MROH2A: variants seen among roughly 807,000 people sequenced by gnomAD.
MROH2A encodes maestro heat-like repeat-containing protein family member 2A.
A neutral mutation model predicts 200.4 loss-of-function variants in MROH2A; 174 were observed. The observed-to-expected ratio is 0.87, with a 90% CI of 0.77 to 0.98. The LOEUF is 0.98. Ranked by LOEUF, MROH2A falls within the 50% of genes least tolerant of loss-of-function variation. The pLI is 0.00. For missense variants in MROH2A, 2,045 were observed against 2,139.6 expected (o/e 0.96, Z 0.87); for synonymous variants, 829 against 840.4 (o/e 0.99, Z 0.23).
At chr2:233,811,031 CCTGT>C (rs1703121640) in intron 23 of MROH2A, 115 bp downstream of exon 23, 1 of 1,196,924 alleles carries the variant, frequency 8.4e-7, no homozygotes, top group African/African-American at 1.5e-5. Flanking sequence ...GAAGTCCTTC[CCTGT>C]CTTGGCTCTG....
intron 11 of MROH2A, among the ~76,000 whole-genome samples, chr2:233,796,621 G>A (rs748525752): frequency 6.6e-6 from 1 of 152,100 alleles, no homozygotes; most frequent in Non-Finnish European, 1.5e-5. Flanking sequence ...TAACTCTGAA[G>A]CCCCGTGGAC....
At chr2:233,808,590 C>T (rs1702953021) in intron 21 of MROH2A, among the ~76,000 whole-genome samples, 1 of 152,214 alleles carries the variant, frequency 6.6e-6, no homozygotes, top group African/African-American at 2.4e-5. Context: ...GGACCCGACA[C>T]CTAGATTTCT....
rs28900416 is a variant in MROH2A at position 233,779,344 on chromosome 2, G to C, written c.-14-1G>C. Reference sequence around the variant, plus strand: ...TTTACAAATTCTGTTGATCTCAAAAGAGCTTGAGGAAGAGATGACTGAAGC... The same window carrying C: ...TTTACAAATTCTGTTGATCTCAAAACAGCTTGAGGAAGAGATGACTGAAGC... On this transcript the variant is annotated splice_acceptor_variant, in intron 1 of 41. Coordinates refer to ENST00000389758, the MANE Select transcript of MROH2A (RefSeq NM_001394639.1). LOFTEE classifies it low-confidence loss of function (5UTR_SPLICE). 506 of 1,531,808 alleles carry C rather than the reference G, an allele frequency of 3.3e-4. 3 individuals are homozygous for C. The African/African-American group carries it at 6.1e-3, about 19-fold the overall frequency. 94.9% of individuals were successfully genotyped at this position (1,531,808 alleles called of 1,614,324 possible).
intron 3 of MROH2A, among the ~76,000 whole-genome samples, chr2:233,785,754 G>A (rs779134485): frequency 6.6e-6 from 1 of 152,146 alleles, no homozygotes; most frequent in Non-Finnish European, 1.5e-5. Context: ...TAGGACAGGT[G>A]GATAGTGGCC....
Position 233,823,680 on chromosome 2 carries a change from C to T in MROH2A, c.4113+16C>T, listed in dbSNP as rs537576546. The stretch of plus-strand genomic sequence containing the variant: ...AGCGGTCTGCGTGGAAATGAGGCAC[C>T]GGGTGTGGGCGGGGTGCAAGCGGAG... On this transcript the variant is annotated intron_variant, in intron 35 of 41. Transcript: ENST00000389758. The T allele has an allele frequency of 2.9e-5, 45 of 1,547,126 alleles. No individual in the cohort carries two copies. The highest frequency in any genetic ancestry group is 1.7e-4 in the East Asian group (7 of 40,820).
Position 233,829,772 on chromosome 2 carries a change from C to A in MROH2A, c.4599C>A (p.Ala1533=), listed in dbSNP as rs1704591002. ...LHSQDPCSNA[A]QACMATMFQC... ...CCCAGGACCCCTGCTCCAATGCAGC[C>A]CAAGTAAGATACATCCTGGGCTTTG... Residue 1533 remains alanine, a synonymous_variant, in exon 38 of 42, where the codon GCC becomes GCA. Transcript: ENST00000389758. 2.2e-6 allele frequency: 3 copies of A among 1,368,296 alleles called. No homozygotes were observed. The highest frequency in any genetic ancestry group is 1.5e-5 in the African/African-American group (1 of 65,842). 84.8% of individuals were successfully genotyped at this position (1,368,296 alleles called of 1,614,324 possible).
In MROH2A at chr2:233,788,902, G is replaced by C. The variant is rs1266149630; in HGVS notation, c.277-595G>C. On this transcript the variant is annotated intron_variant, in intron 3 of 41. Transcript: ENST00000389758. ...TGCAGTGAGGCGAAATCGCGCCACT[G>C]CACTCCAGCCCGGGCGGCAGAGCGA... Among the ~76,000 whole-genome samples, 6 of 121,816 alleles carry C rather than the reference G, an allele frequency of 4.9e-5. No homozygotes were observed. The East Asian group carries it at 1.4e-3, about 28-fold the overall frequency. The allele number at this position is 121,816 out of a possible 152,430, so 79.9% of individuals were successfully genotyped here. A position where few individuals can be genotyped will look rare whatever the true frequency, so the allele number is the denominator to read the frequency against.
intron 16 of MROH2A, among the ~76,000 whole-genome samples, 190 bp from the exon 17 acceptor site, chr2:233,803,861 G>A (rs1702628214): frequency 1.3e-5 from 2 of 152,252 alleles, no homozygotes; most frequent in South Asian, 4.1e-4. Flanking sequence ...GGTGGGGAGG[G>A]AGCCCAGGTC....
At chr2:233,780,306 G>A (rs571607716) in intron 3 of MROH2A, among the ~76,000 whole-genome samples, 12 of 152,174 alleles carry the variant, frequency 7.9e-5, no homozygotes, top group African/African-American at 2.4e-4. Flanking sequence ...CAAGGTTTTG[G>A]ACTAGACAAG....
chr2:233,815,251 A>G (rs1245391989), intron 26 of MROH2A, among the ~76,000 whole-genome samples: 1 of 152,186 alleles, frequency 6.6e-6, no homozygotes, highest in Non-Finnish European at 1.5e-5. Flanking sequence ...GGTTTTTAAA[A>G]ATTGGGTTGT....
At position 233,805,794 on chromosome 2, in the gene MROH2A, G is replaced by A. The variant is rs190347313; in HGVS notation, c.2052+683G>A. 3.4e-4 allele frequency among the ~76,000 whole-genome samples: 52 copies of A among 152,244 alleles called. No individual in the cohort carries two copies. In the South Asian group the frequency reaches 5.6e-3, roughly 16 times the overall value. ...TTATGGGTAATTTATTTTCAAGAAGGGTGCCAAGACAATTCAGTGGGGAAA... is the reference window on the plus strand; with the variant it reads ...TTATGGGTAATTTATTTTCAAGAAGAGTGCCAAGACAATTCAGTGGGGAAA... On this transcript the variant is annotated intron_variant, in intron 19 of 41. Coordinates refer to ENST00000389758, the MANE Select transcript of MROH2A (RefSeq NM_001394639.1).
chr2:233,799,632 G>A, intron 12 of MROH2A, 148 bp from the exon 13 acceptor site: 2 of 990,768 alleles, frequency 2.0e-6, no homozygotes, highest in South Asian at 1.7e-5. Flanking sequence ...TGAGGCAGGG[G>A]GAGGTGGACA....
intron 29 of MROH2A, 51 bp from the exon 30 acceptor site, chr2:233,819,266 C>A (rs1352132226): frequency 2.6e-6 from 4 of 1,514,066 alleles, no homozygotes; most frequent in African/African-American, 2.8e-5. Flanking sequence ...AGAGTGTCAG[C>A]AGTCATGGAG....
chr2:233,804,301 C>A, intron 17 of MROH2A, 109 bp downstream of exon 17: 1 of 1,460,898 alleles, frequency 6.8e-7, no homozygotes, highest in Non-Finnish European at 9.2e-7. Flanking sequence ...AGTTGACCCA[C>A]ACAGCCAGCC....
chr2:233,833,240 C>T lies in MROH2A; in HGVS notation c.5006C>T (p.Ser1669Leu), dbSNP rs1333464916. ...TGTAGTCAGCATGGGTTTCTGGCTT[C>T]ACCCCAAGGAATGTCCTAGGTGGTC... The part of the protein sequence containing the change: ...DSCSQHGFLA[S>L]PQGMS Residue 1669 changes from serine (S) to leucine (L), a missense_variant, in exon 42 of 42, where the codon TCA (serine) becomes TTA (leucine). Transcript: ENST00000389758. 2 of 1,549,722 alleles carry T rather than the reference C, an allele frequency of 1.3e-6. No homozygotes were observed. Among genetic ancestry groups the T allele is most frequent in the East Asian group, 2.4e-5 (1 of 40,906 alleles).
chr2:233,833,330 G>T lies in MROH2A; in HGVS notation c.*71G>T. ...AAGCCCTTTTTAATTTAGTTTGTAA[G>T]AAGTTTAGTTTGTAGGAAAAACACT... On this transcript the variant is annotated 3_prime_UTR_variant, in exon 42 of 42. Coordinates refer to ENST00000389758, the MANE Select transcript of MROH2A (RefSeq NM_001394639.1). 1 of 1,422,048 alleles carries T rather than the reference G, an allele frequency of 7.0e-7. No homozygotes were observed. The highest frequency in any genetic ancestry group is 1.5e-5 in the South Asian group (1 of 65,810). The allele number at this position is 1,422,048 out of a possible 1,614,324, so 88.1% of individuals were successfully genotyped here. A position where few individuals can be genotyped will look rare whatever the true frequency, so the allele number is the denominator to read the frequency against.
chr2:233,798,537 G>A (rs1702257747), intron 11 of MROH2A, among the ~76,000 whole-genome samples: 1 of 152,206 alleles, frequency 6.6e-6, no homozygotes, highest in Admixed American at 6.5e-5. Flanking sequence ...CCCTCAAGGC[G>A]AGTTCACCTG....
chr2:233,804,406 C>A (rs73996325), intron 17 of MROH2A, 89 bp from the exon 18 acceptor site: 2 of 1,445,196 alleles, frequency 1.4e-6, no homozygotes, highest in Admixed American at 2.0e-5. Flanking sequence ...TCAAATGCCA[C>A]GCTAAGGAGG....
At chr2:233,777,545 G>C (rs577485855), upstream of MROH2A, among the ~76,000 whole-genome samples, 14 of 152,354 alleles carry the variant, frequency 9.2e-5, no homozygotes, top group South Asian at 2.3e-3. Context: ...TGTTGGGCAT[G>C]ATAAGAAAGC....
Sources: gnomAD v4.1 joint callset for allele counts (sites outside exome capture counted in the v4.1 genomes callset) on GRCh38, gnomAD v4.1.1 for gene constraint, MANE v1.5 for transcripts, NCBI Gene and HGNC (gene_info 2026-07-23, HGNC 2026-07-21) for gene names.